The following ENAH variants were observed in gnomAD, a reference collection of about 807,000 sequenced individuals.
ENAH encodes protein enabled homolog.
ENAH carries 23 observed loss-of-function variants against 78.7 expected under a neutral mutation model. The observed-to-expected ratio is 0.29, with a 90% CI of 0.21 to 0.41. The LOEUF is 0.41. Ranked by LOEUF, ENAH falls within the 10% of genes least tolerant of loss-of-function variation. The probability of loss-of-function intolerance (pLI) is 1.00; values close to 1 mark genes in which losing one functional copy is unlikely to be tolerated. For missense variants in ENAH, 544 were observed against 691.0 expected (o/e 0.79, Z 2.39); for synonymous variants, 226 against 241.0 (o/e 0.94, Z 0.58).
chr1:225,608,781 A>T (rs2096971187), intron 1 of ENAH, among the ~76,000 whole-genome samples: 1 of 131,536 alleles, frequency 7.6e-6, no homozygotes, highest in Admixed American at 8.9e-5. Context: ...ACACCATTGC[A>T]CTCCATCCTG....
intron 1 of ENAH, among the ~76,000 whole-genome samples, chr1:225,650,440 TGACA>T (rs936194024): frequency 3.3e-5 from 5 of 152,254 alleles, no homozygotes; most frequent in Non-Finnish European, 5.9e-5. Flanking sequence ...AATTTACCTG[TGACA>T]GACTGACATC....
rs1660230452 is a variant in ENAH at position 225,637,267 on chromosome 1, G to A, written c.5+15419C>T. ...CTGTCGCCCAGGCTGGAGTGAAGTG[G>A]TGCAATCTCTGCTCACTGCAACCTC... On this transcript the variant is annotated intron_variant, in intron 1 of 13. Transcript: ENST00000366843. Among the ~76,000 whole-genome samples the A allele has an allele frequency of 7.2e-5, 11 of 152,284 alleles. No individual in the cohort carries two copies. In the South Asian group the frequency reaches 2.3e-3, roughly 32 times the overall value.
At chr1:225,555,212 T>G in intron 2 of ENAH, 129 bp from the exon 3 acceptor site, 1 of 660,678 alleles carries the variant, frequency 1.5e-6, no homozygotes, top group South Asian at 3.6e-5. Flanking sequence ...GCTTAAACAA[T>G]TATCTGGGTA....
At chr1:225,573,511 A>C (rs1402424153) in intron 1 of ENAH, among the ~76,000 whole-genome samples, 2 of 152,212 alleles carry the variant, frequency 1.3e-5, no homozygotes, top group Non-Finnish European at 2.9e-5. Flanking sequence ...CTGGGAAGCC[A>C]CTGAAGGGCT....
chr1:225,646,862 C>A (rs1386151530), intron 1 of ENAH, among the ~76,000 whole-genome samples: 2 of 152,150 alleles, frequency 1.3e-5, no homozygotes, highest in South Asian at 2.1e-4. Context: ...TTTGTTATGG[C>A]AGCCCACACT....
At chr1:225,551,541 T>C (rs1471856088) in intron 3 of ENAH, among the ~76,000 whole-genome samples, 1 of 152,130 alleles carries the variant, frequency 6.6e-6, no homozygotes. Flanking sequence ...CATGGAGGCA[T>C]CTCAGTGGTT....
chr1:225,632,253 C>T (rs1381442313), intron 1 of ENAH, among the ~76,000 whole-genome samples: 1 of 152,180 alleles, frequency 6.6e-6, no homozygotes, highest in Non-Finnish European at 1.5e-5. Flanking sequence ...AATCCCAGCA[C>T]TTTGGGAGGC....
At chr1:225,567,773 A>G (rs2151514484) in intron 1 of ENAH, among the ~76,000 whole-genome samples, 2 of 152,318 alleles carry the variant, frequency 1.3e-5, no homozygotes, top group Middle Eastern at 3.4e-3. Flanking sequence ...TTTTAATGGC[A>G]AAAACTGCAA....
chr1:225,646,859 T>C (rs1470865558), intron 1 of ENAH, among the ~76,000 whole-genome samples: 3 of 152,186 alleles, frequency 2.0e-5, no homozygotes, highest in African/African-American at 7.2e-5. Flanking sequence ...TATTTTGTTA[T>C]GGCAGCCCAC....
At chr1:225,651,825 C>T (rs965006802) in intron 1 of ENAH, among the ~76,000 whole-genome samples, 5 of 152,082 alleles carry the variant, frequency 3.3e-5, no homozygotes, top group Non-Finnish European at 7.4e-5. Flanking sequence ...CACCACATCA[C>T]GGTTTATTCT....
At chr1:225,570,451 C>T (rs1159891418) in intron 1 of ENAH, among the ~76,000 whole-genome samples, 2 of 151,498 alleles carry the variant, frequency 1.3e-5, no homozygotes, top group African/African-American at 4.9e-5. Context: ...CTGTGCCTGC[C>T]TCCCCTTCCA....
intron 1 of ENAH, among the ~76,000 whole-genome samples, chr1:225,631,241 G>A (rs1658967745): frequency 1.3e-5 from 2 of 151,980 alleles, no homozygotes; most frequent in African/African-American, 2.4e-5. Context: ...GATTTGCCAA[G>A]CCACAATTAA....
intron 12 of ENAH, among the ~76,000 whole-genome samples, chr1:225,498,909 G>A (rs1488608116): frequency 6.6e-6 from 1 of 152,130 alleles, no homozygotes; most frequent in African/African-American, 2.4e-5. Context: ...GGGACCTCAG[G>A]GATTGCCCTA....
intron 4 of ENAH, among the ~76,000 whole-genome samples, chr1:225,520,205 G>A (rs975847116): frequency 2.0e-5 from 3 of 151,678 alleles, no homozygotes; most frequent in Non-Finnish European, 4.4e-5. Flanking sequence ...TGAGGCAGGA[G>A]AATCGCTTGA....
At chr1:225,613,074 G>C (rs551221258) in intron 1 of ENAH, among the ~76,000 whole-genome samples, 2 of 152,054 alleles carry the variant, frequency 1.3e-5, no homozygotes, top group African/African-American at 4.8e-5. Context: ...GTTTTGCTAC[G>C]GACACTATTT....
At chr1:225,500,723 C>T (rs575884521) in intron 12 of ENAH, among the ~76,000 whole-genome samples, 1 of 152,176 alleles carries the variant, frequency 6.6e-6, no homozygotes, top group Non-Finnish European at 1.5e-5. Flanking sequence ...TTTACAACTG[C>T]GTACCATGCA....
intron 3 of ENAH, among the ~76,000 whole-genome samples, chr1:225,543,640 C>G (rs1356917919): frequency 6.6e-6 from 1 of 152,198 alleles, no homozygotes; most frequent in Non-Finnish European, 1.5e-5. Context: ...CAATTAACAG[C>G]CTCCTTAAGA....
intron 4 of ENAH, among the ~76,000 whole-genome samples, chr1:225,527,422 C>T (rs770425072): frequency 2.6e-5 from 4 of 152,166 alleles, no homozygotes; most frequent in African/African-American, 9.7e-5. Context: ...CTGTGCTATA[C>T]ATCCTTCCCG....
In ENAH at chr1:225,493,221, TG is replaced by T. The variant is rs1340829261; in HGVS notation, c.*4553del. 2 of 152,186 alleles carry T rather than the reference TG, an allele frequency of 1.3e-5. No individual in the cohort carries two copies. The highest frequency in any genetic ancestry group is 2.9e-5 in the Non-Finnish European group (2 of 68,024). 9.4% of individuals were successfully genotyped at this position (152,186 alleles called of 1,614,324 possible). A position where few individuals can be genotyped will look rare whatever the true frequency, so the allele number is the denominator to read the frequency against. ...CCAAATAATCCACAGCTTTTGATGT[TG>T]GGAACAGAAAAACCTGCATCACAGA... On this transcript the variant is annotated 3_prime_UTR_variant, in exon 14 of 14. Coordinates refer to ENST00000366843, the MANE Select transcript of ENAH (RefSeq NM_018212.6).
Sources: gnomAD v4.1 joint callset for allele counts (sites outside exome capture counted in the v4.1 genomes callset) on GRCh38, gnomAD v4.1.1 for gene constraint, MANE v1.5 for transcripts, NCBI Gene and HGNC (gene_info 2026-07-23, HGNC 2026-07-21) for gene names.